SLC25A26: variants seen among roughly 807,000 people sequenced by gnomAD.
The protein encoded by SLC25A26 is mitochondrial S-adenosylmethionine carrier protein.
SLC25A26 carries 36 observed loss-of-function variants against 37.8 expected under a neutral mutation model. The observed-to-expected ratio is 0.95, with a 90% CI of 0.73 to 1.26. The LOEUF (loss-of-function observed/expected upper bound fraction) is 1.26. Ranked by LOEUF, SLC25A26 falls within the 50% of genes most tolerant of loss-of-function variation. The pLI, the probability that SLC25A26 is intolerant of heterozygous loss-of-function variation, is 0.00. For synonymous variants in SLC25A26, 129 were observed against 122.5 expected (o/e 1.05, Z -0.35); for missense variants, 390 against 331.1 (o/e 1.18, Z -1.38).
chr3:66,185,013 G>T (rs1326766546), intron 1 of SLC25A26, among the ~76,000 whole-genome samples: 1 of 152,156 alleles, frequency 6.6e-6, no homozygotes, highest in Non-Finnish European at 1.5e-5. Flanking sequence ...AAAGTATACA[G>T]TTCAGTGGCA....
At chr3:66,324,556 A>C (rs972622885) in intron 5 of SLC25A26, among the ~76,000 whole-genome samples, 1 of 152,164 alleles carries the variant, frequency 6.6e-6, no homozygotes, top group African/African-American at 2.4e-5. Context: ...TTAGTTTTAC[A>C]AAGGGTATCT....
chr3:66,137,208 ATTTTCTTTCTTTTTTTTTT>A (rs2069959250), intron 1 of SLC25A26, among the ~76,000 whole-genome samples: 1 of 139,568 alleles, frequency 7.2e-6, no homozygotes, highest in Non-Finnish European at 1.5e-5. Context: ...CTATGCTGTG[ATTTTCTTTCTTTTTTTTTT>A]TTTTTTTTTT....
chr3:66,369,738 C>T (rs1700246126), intron 8 of SLC25A26, among the ~76,000 whole-genome samples, 196 bp downstream of exon 8: 1 of 152,216 alleles, frequency 6.6e-6, no homozygotes, highest in Non-Finnish European at 1.5e-5. Context: ...TACCATTTCA[C>T]AGTCATTTTC....
chr3:66,136,437 G>A (rs570529166), intron 1 of SLC25A26, among the ~76,000 whole-genome samples: 3 of 152,142 alleles, frequency 2.0e-5, no homozygotes, highest in Non-Finnish European at 4.4e-5. Flanking sequence ...TTGAAGTTTG[G>A]AGAAAAACAG....
In SLC25A26 at chr3:66,267,713, G is replaced by C. The variant is rs1244440418; in HGVS notation, c.453+4334G>C. Among the ~76,000 whole-genome samples the C allele has an allele frequency of 2.0e-5, 3 of 152,224 alleles. No homozygotes were observed. The East Asian group carries it at 5.8e-4, about 29-fold the overall frequency. ...CCCCACCCTAGTTTTGCTGTAAGCAGTCAACATGCCAAACAAGTAATTCAA... is the reference window on the plus strand; with the variant it reads ...CCCCACCCTAGTTTTGCTGTAAGCACTCAACATGCCAAACAAGTAATTCAA... On this transcript the variant is annotated intron_variant, in intron 5 of 9. Coordinates refer to ENST00000354883, the MANE Select transcript of SLC25A26 (RefSeq NM_001379210.1).
intron 1 of SLC25A26, among the ~76,000 whole-genome samples, chr3:66,163,574 T>C (rs935131679): frequency 6.6e-6 from 1 of 152,210 alleles, no homozygotes; most frequent in Non-Finnish European, 1.5e-5. Context: ...ATTCTCATTA[T>C]GCTCTCATGA....
At chr3:66,291,407 T>G (rs1179649274) in intron 5 of SLC25A26, among the ~76,000 whole-genome samples, 2 of 152,202 alleles carry the variant, frequency 1.3e-5, no homozygotes, top group African/African-American at 4.8e-5. Context: ...CATGTCTATT[T>G]TAGATCTTTC....
At chr3:66,326,856 T>C (rs1039316929) in intron 5 of SLC25A26, among the ~76,000 whole-genome samples, 1 of 152,194 alleles carries the variant, frequency 6.6e-6, no homozygotes, top group Admixed American at 6.5e-5. Context: ...GTCGAGTCTG[T>C]GGTGCTGCTG....
At chr3:66,271,288 C>G (rs1267417107) in intron 5 of SLC25A26, among the ~76,000 whole-genome samples, 1 of 152,138 alleles carries the variant, frequency 6.6e-6, no homozygotes, top group Non-Finnish European at 1.5e-5. Flanking sequence ...TTCTGTTTTT[C>G]CCTTTTGTAA....
chr3:66,297,825 C>T (rs1049461839), intron 5 of SLC25A26, among the ~76,000 whole-genome samples: 1 of 152,196 alleles, frequency 6.6e-6, no homozygotes, highest in African/African-American at 2.4e-5. Flanking sequence ...TTTCTGAATC[C>T]TAGACTAGAT....
At chr3:66,365,367 C>T (rs1426895471) in intron 7 of SLC25A26, among the ~76,000 whole-genome samples, 3 of 152,180 alleles carry the variant, frequency 2.0e-5, no homozygotes, top group Non-Finnish European at 4.4e-5. Flanking sequence ...CCAAAAATGT[C>T]CCGTGATCTT....
rs780086174 is a variant in SLC25A26 at position 66,370,538 on chromosome 3, A to T, written c.643A>T (p.Ser215Cys). The change falls in exon 9 of 10, where the codon AGC becomes TGC. Residue 215 changes from serine to cysteine, a missense_variant. Physicochemically the swap from Ser to Cys is moderately radical, Grantham distance 112. Coordinates refer to ENST00000354883, the MANE Select transcript of SLC25A26 (RefSeq NM_001379210.1). ...TTGTCTGTTCACACAGGCTGGCTCC[A>T]GCACTGCTGATGGGAATGTGCTCTC... Reference protein sequence around the residue: ...TRITLAKAGSSTADGNVLSVL... With the variant: ...TRITLAKAGSCTADGNVLSVL... 65 of 1,613,892 alleles carry T rather than the reference A, an allele frequency of 4.0e-5. No homozygotes were observed. Among genetic ancestry groups the T allele is most frequent in the Non-Finnish European group, 5.3e-5 (63 of 1,179,840 alleles).
chr3:66,176,063 TC>T (rs1448133947), intron 1 of SLC25A26, among the ~76,000 whole-genome samples: 2 of 152,184 alleles, frequency 1.3e-5, no homozygotes, highest in East Asian at 3.8e-4. Flanking sequence ...ATGCACTTGA[TC>T]CTTTTGCTTG....
chr3:66,287,942 A>G (rs564698122), intron 5 of SLC25A26, among the ~76,000 whole-genome samples: 11 of 152,336 alleles, frequency 7.2e-5, no homozygotes, highest in Non-Finnish European at 1.6e-4. Flanking sequence ...CGTTTGCTGT[A>G]GTTTTGAGAA....
chr3:66,315,585 A>G (rs2075515462), intron 5 of SLC25A26, among the ~76,000 whole-genome samples: 1 of 152,198 alleles, frequency 6.6e-6, no homozygotes, highest in South Asian at 2.1e-4. Context: ...AGAAGAATGC[A>G]TATTCTGTTG....
At chr3:66,174,813 GAA>G (rs201726012) in intron 1 of SLC25A26, among the ~76,000 whole-genome samples, 1 of 143,414 alleles carries the variant, frequency 7.0e-6, no homozygotes, top group African/African-American at 2.6e-5. Context: ...AAAAAAAAAA[GAA>G]AAAAAAAATG....
chr3:66,209,473 A>G (rs2071244380), intron 1 of SLC25A26, among the ~76,000 whole-genome samples: 1 of 141,330 alleles, frequency 7.1e-6, no homozygotes, highest in Non-Finnish European at 1.5e-5. Context: ...ATATATATAA[A>G]GGTGTATACA....
Position 66,236,665 on chromosome 3 carries a change from G to A in SLC25A26, c.155G>A (p.Gly52Asp), listed in dbSNP as rs782711829. Residue 52 changes from glycine (G) to aspartate (D), a missense_variant, in exon 2 of 10, where the codon GGC (glycine) becomes GAC (aspartate). Gly to Asp is a moderately conservative substitution (Grantham distance 94). Transcript: ENST00000354883. ...KAGGFHGIYA[G>D]VPSAAIGSFP... is the part of the protein sequence containing the mutation. ...GGTGGTTTTCATGGAATATATGCTG[G>A]CGTTCCTTCTGCTGCTATTGGATCC... 4.9e-5 allele frequency: 75 copies of A among 1,525,810 alleles called. No homozygotes were observed. The highest frequency in any genetic ancestry group is 6.4e-5 in the Non-Finnish European group (73 of 1,139,232). 94.5% of individuals were successfully genotyped at this position (1,525,810 alleles called of 1,614,324 possible).
At chr3:66,253,481 A>G (rs1259371560) in intron 3 of SLC25A26, among the ~76,000 whole-genome samples, 1 of 151,712 alleles carries the variant, frequency 6.6e-6, no homozygotes, top group African/African-American at 2.4e-5. Flanking sequence ...TAGGGTCCTT[A>G]GGAGAGGGGA....
Sources: allele counts gnomAD v4.1 joint callset (sites outside exome capture counted in the v4.1 genomes callset), GRCh38; gene constraint gnomAD v4.1.1; transcripts MANE v1.5; gene names NCBI Gene and HGNC (gene_info 2026-07-23, HGNC 2026-07-21).